Variants in SRD5A2 observed in about 807,000 individuals in gnomAD.
SRD5A2 encodes 3-oxo-5-alpha-steroid 4-dehydrogenase 2.
Under a neutral mutation model 27.4 loss-of-function variants are expected in SRD5A2, and 30 were observed. The ratio of observed to expected loss-of-function variants is 1.10; its 90% CI spans 0.82 to 1.49. SRD5A2 has a LOEUF of 1.49. SRD5A2 is among the 40% of genes most tolerant of loss of function. The pLI is 0.00. For synonymous variants in SRD5A2, 141 were observed against 133.6 expected, an observed-to-expected ratio of 1.06 and a Z score of -0.38; for missense variants, 348 against 323.4, an observed-to-expected ratio of 1.08 and a Z score of -0.58.
chr2:31,604,277 C>T, the SRD5A2 span, among the ~76,000 whole-genome samples: 2 of 151,620 alleles, frequency 1.3e-5, no homozygotes, highest in Non-Finnish European at 3.0e-5. Context: ...GAATTTCTAG[C>T]TAGAACAATT....
At chr2:31,560,272 T>C (rs975083854) in intron 1 of SRD5A2, among the ~76,000 whole-genome samples, 9 of 152,152 alleles carry the variant, frequency 5.9e-5, no homozygotes, top group Admixed American at 2.6e-4. Flanking sequence ...AAGCATTGCC[T>C]TTGATGTAAG....
the SRD5A2 span, among the ~76,000 whole-genome samples, chr2:31,638,880 C>A: frequency 5.3e-5 from 8 of 151,718 alleles, no homozygotes; most frequent in Admixed American, 5.3e-4. Context: ...CACTCTGTGC[C>A]TTTGAATTAG....
In SRD5A2 at chr2:31,526,231, T is replaced by C. The variant is rs1411706062; in HGVS notation, c.730A>G (p.Lys244Glu). ...FYLKMFEDYP[K>E]SRKALIPFIF ...AATGGAATAAGGGCTTTCCGAGATT[T>C]GGGGTAGTCCTCAAACATCTTGAGG... is the stretch of plus-strand genomic sequence containing the variant. Residue 244 changes from lysine (K) to glutamate (E), a missense_variant, in exon 5 of 5, where the codon AAA becomes GAA. Physicochemically the swap from Lys to Glu is moderately conservative, Grantham distance 56. Coordinates refer to ENST00000622030, the MANE Select transcript of SRD5A2 (RefSeq NM_000348.4). 4 of 1,590,882 alleles carry C rather than the reference T, an allele frequency of 2.5e-6. No homozygotes were observed. The South Asian group carries it at 3.4e-5, about 14-fold the overall frequency.
chr2:31,633,659 C>T, the SRD5A2 span, among the ~76,000 whole-genome samples: 1 of 152,154 alleles, frequency 6.6e-6, no homozygotes, highest in Non-Finnish European at 1.5e-5. Flanking sequence ...ACAACCCCTA[C>T]TATGCCCCAA....
chr2:31,632,150 A>G, the SRD5A2 span, among the ~76,000 whole-genome samples: 1 of 152,126 alleles, frequency 6.6e-6, no homozygotes, highest in Admixed American at 6.5e-5. Flanking sequence ...GTCCAGAGCA[A>G]AACTTAGAAA....
chr2:31,655,922 T>G, the SRD5A2 span, among the ~76,000 whole-genome samples: 1 of 152,322 alleles, frequency 6.6e-6, no homozygotes, highest in Admixed American at 6.5e-5. Flanking sequence ...ACAAAAATGC[T>G]GGCTGTGAGG....
the SRD5A2 span, among the ~76,000 whole-genome samples, chr2:31,646,467 G>A: frequency 6.6e-6 from 1 of 152,076 alleles, no homozygotes; most frequent in African/African-American, 2.4e-5. Flanking sequence ...AAATGAAGGA[G>A]GAACATTCAA....
In SRD5A2 at chr2:31,526,096, C is replaced by T. The variant is rs1401163382; in HGVS notation, c.*100G>A. The T allele has an allele frequency of 1.3e-5, 9 of 667,676 alleles. No homozygotes were observed. The highest frequency in any genetic ancestry group is 2.4e-5 in the African/African-American group (1 of 40,840). The allele number at this position is 667,676 out of a possible 1,614,324, so 41.4% of individuals were successfully genotyped here. ...CAGAACGCCAGGAGACCTACTATTA[C>T]ATATATACGGGACTATTATATCATG... On this transcript the variant is annotated 3_prime_UTR_variant, in exon 5 of 5. Coordinates refer to ENST00000622030, the MANE Select transcript of SRD5A2 (RefSeq NM_000348.4).
At chr2:31,532,788 A>G (rs6543632) in intron 2 of SRD5A2, among the ~76,000 whole-genome samples, 22,511 of 144,932 alleles carry the variant, frequency 0.16, 1,867 homozygotes, top group African/African-American at 0.23. Context: ...TATCTGGGGC[A>G]GGGGATGGTA....
chr2:31,572,776 A>G (rs530712437), intron 1 of SRD5A2, among the ~76,000 whole-genome samples: 1 of 152,340 alleles, frequency 6.6e-6, no homozygotes, highest in African/African-American at 2.4e-5. Flanking sequence ...GAGTCTATAC[A>G]TGAAAAAAGA....
At chr2:31,559,041 C>G (rs1215023882) in intron 1 of SRD5A2, among the ~76,000 whole-genome samples, 2 of 152,208 alleles carry the variant, frequency 1.3e-5, no homozygotes, top group Non-Finnish European at 2.9e-5. Context: ...CCAGTTCTAC[C>G]TCTGAACTTG....
chr2:31,600,806 T>C, the SRD5A2 span, among the ~76,000 whole-genome samples: 2 of 151,774 alleles, frequency 1.3e-5, no homozygotes, highest in Non-Finnish European at 2.9e-5. Context: ...ATGCAAAAAT[T>C]CTCAACAAAA....
In SRD5A2 at chr2:31,549,363, C is replaced by T. The variant is rs191819388; in HGVS notation, c.282-15597G>A. Among the ~76,000 whole-genome samples the T allele has an allele frequency of 8.2e-3, 1,243 of 151,906 alleles. 16 individuals carry two copies. The highest frequency in any genetic ancestry group is 0.012 in the Non-Finnish European group (841 of 67,952). On this transcript the variant is annotated intron_variant, in intron 1 of 4. Coordinates refer to ENST00000622030, the MANE Select transcript of SRD5A2 (RefSeq NM_000348.4). Reference sequence around the variant, plus strand: ...TCCTGACCTCATGGTCCACCCGCCTCGGCCTTCCAAAGTGCTGGGATTACA... The same window carrying T: ...TCCTGACCTCATGGTCCACCCGCCTTGGCCTTCCAAAGTGCTGGGATTACA...
chr2:31,555,212 T>C (rs924664804), intron 1 of SRD5A2, among the ~76,000 whole-genome samples: 5 of 152,034 alleles, frequency 3.3e-5, no homozygotes, highest in Non-Finnish European at 7.4e-5. Flanking sequence ...ATTTCAGACA[T>C]TTTAGTCCAA....
At chr2:31,556,042 A>G (rs1312406924) in intron 1 of SRD5A2, among the ~76,000 whole-genome samples, 1 of 152,236 alleles carries the variant, frequency 6.6e-6, no homozygotes, top group East Asian at 1.9e-4. Flanking sequence ...TTGGAGCAAA[A>G]CCACCAGGAA....
intron 1 of SRD5A2, among the ~76,000 whole-genome samples, chr2:31,555,193 C>A (rs1434357916): frequency 6.6e-6 from 1 of 151,852 alleles, no homozygotes; most frequent in Non-Finnish European, 1.5e-5. Flanking sequence ...CAAGAAAACC[C>A]AGGTTTGGAT....
chr2:31,537,065 T>C lies in SRD5A2; in HGVS notation c.282-3299A>G, dbSNP rs368340104. 5.9e-5 allele frequency among the ~76,000 whole-genome samples: 9 copies of C among 152,216 alleles called. No homozygotes were observed. In the East Asian group the frequency reaches 1.3e-3, roughly 23 times the overall value. ...AGAAAAGAAGCTTTAAAATTACACA[T>C]CTTGCATAGACCAACTCATATTTAA... is the stretch of plus-strand genomic sequence containing the variant. On this transcript the variant is annotated intron_variant, in intron 1 of 4. Transcript: ENST00000622030.
Position 31,526,222 on chromosome 2 carries a change from T to A in SRD5A2, c.739A>T (p.Lys247Ter). 1 of 1,590,146 alleles carries A rather than the reference T, an allele frequency of 6.3e-7. No individual in the cohort carries two copies. The highest frequency in any genetic ancestry group is 8.6e-7 in the Non-Finnish European group (1 of 1,166,964). ...KMFEDYPKSR[K>*]ALIPFIF Reference sequence around the variant, plus strand: ...TAAAAGATGAATGGAATAAGGGCTTTCCGAGATTTGGGGTAGTCCTCAAAC... The same window carrying A: ...TAAAAGATGAATGGAATAAGGGCTTACCGAGATTTGGGGTAGTCCTCAAAC... Residue 247 changes from lysine to a stop codon, truncating the protein, a stop_gained, in exon 5 of 5, where the codon AAA (lysine) becomes TAA (stop). Coordinates refer to ENST00000622030, the MANE Select transcript of SRD5A2 (RefSeq NM_000348.4). LOFTEE classifies it high-confidence loss of function.
chr2:31,605,413 C>A, the SRD5A2 span, among the ~76,000 whole-genome samples: 3 of 150,010 alleles, frequency 2.0e-5, no homozygotes, highest in African/African-American at 7.4e-5. Flanking sequence ...GTATTCACTA[C>A]CAGAATATAT....
Sources: gnomAD v4.1 joint callset for allele counts (sites outside exome capture counted in the v4.1 genomes callset) on GRCh38, gnomAD v4.1.1 for gene constraint, MANE v1.5 for transcripts, NCBI Gene and HGNC (gene_info 2026-07-23, HGNC 2026-07-21) for gene names.